Variants in HS6ST3 observed in about 807,000 individuals in gnomAD.
HS6ST3 encodes the protein heparan sulfate 6-O-sulfotransferase 3.
HS6ST3 carries 12 observed loss-of-function variants against 36.7 expected under a neutral mutation model. That is an observed-to-expected ratio of 0.33 (90% CI 0.21 to 0.53). The LOEUF (loss-of-function observed/expected upper bound fraction) is 0.53. HS6ST3 is among the 20% of genes least tolerant of loss of function. The pLI is 0.95. For synonymous variants in HS6ST3, 240 were observed against 257.5 expected, an observed-to-expected ratio of 0.93 and a Z score of 0.65; for missense variants, 584 against 640.9, an observed-to-expected ratio of 0.91 and a Z score of 0.96.
chr13:96,090,754 C>A lies in HS6ST3; in HGVS notation c.-109C>A. ...CCTCGGCGTCAGGGGCATGGAGGAA[C>A]GGCGGGCTCCGAGCCGCGCCCCGGA... On this transcript the variant is annotated 5_prime_UTR_variant, in exon 1 of 2. Coordinates refer to ENST00000376705, the MANE Select transcript of HS6ST3 (RefSeq NM_153456.4). 1.2e-6 allele frequency: 1 copy of A among 861,592 alleles called. No homozygotes were observed. Among genetic ancestry groups the A allele is most frequent in the Non-Finnish European group, 1.5e-6 (1 of 650,598 alleles). The allele number at this position is 861,592 out of a possible 1,614,324, so 53.4% of individuals were successfully genotyped here. A position where few individuals can be genotyped will look rare whatever the true frequency, so the allele number is the denominator to read the frequency against.
chr13:96,271,405 A>G (rs9554335), intron 1 of HS6ST3, among the ~76,000 whole-genome samples: 83,790 of 151,712 alleles, frequency 0.55, 24,060 homozygotes, highest in African/African-American at 0.69. Flanking sequence ...TCCTGCTTTC[A>G]CTAGCAGCTC....
At chr13:96,778,675 C>A (rs187380336) in intron 1 of HS6ST3, among the ~76,000 whole-genome samples, 77 of 152,126 alleles carry the variant, frequency 5.1e-4, no homozygotes, top group African/African-American at 1.8e-3. Flanking sequence ...AAACAACAGA[C>A]GGCGGAGAGG....
At chr13:96,497,983 A>G (rs905807645) in intron 1 of HS6ST3, among the ~76,000 whole-genome samples, 1 of 152,202 alleles carries the variant, frequency 6.6e-6, no homozygotes, top group African/African-American at 2.4e-5. Flanking sequence ...TTGCCCCACC[A>G]TGCAATGGAA....
At chr13:96,470,172 T>C (rs1158561530) in intron 1 of HS6ST3, among the ~76,000 whole-genome samples, 1 of 152,188 alleles carries the variant, frequency 6.6e-6, no homozygotes, top group Non-Finnish European at 1.5e-5. Context: ...CTTGGTGTCA[T>C]TGCTGGTTGG....
At chr13:96,577,749 G>A (rs574185185) in intron 1 of HS6ST3, among the ~76,000 whole-genome samples, 16 of 152,240 alleles carry the variant, frequency 1.1e-4, no homozygotes, top group African/African-American at 3.4e-4. Flanking sequence ...AAAGCTCATC[G>A]TCACTGGTCA....
chr13:96,247,017 G>C (rs1438357681), intron 1 of HS6ST3, among the ~76,000 whole-genome samples: 2 of 152,176 alleles, frequency 1.3e-5, no homozygotes, highest in Non-Finnish European at 2.9e-5. Context: ...AGGATGTGTA[G>C]AGATTTAGAT....
chr13:96,372,141 C>T (rs768537446), intron 1 of HS6ST3, among the ~76,000 whole-genome samples: 2 of 152,130 alleles, frequency 1.3e-5, no homozygotes, highest in African/African-American at 2.4e-5. Context: ...TTCTTGTCAG[C>T]GCTTGTTATC....
intron 1 of HS6ST3, among the ~76,000 whole-genome samples, chr13:96,105,527 T>C (rs2053837650): frequency 6.6e-6 from 1 of 152,002 alleles, no homozygotes; most frequent in African/African-American, 2.4e-5. Flanking sequence ...GGTGGGTGCC[T>C]GTAGTCCCAG....
intron 1 of HS6ST3, among the ~76,000 whole-genome samples, chr13:96,317,639 T>G (rs1189835715): frequency 6.6e-6 from 1 of 151,512 alleles, no homozygotes; most frequent in Non-Finnish European, 1.5e-5. Flanking sequence ...ATCTCCAAAC[T>G]GCTTTCTACG....
chr13:96,147,787 A>G (rs1487255774), intron 1 of HS6ST3, among the ~76,000 whole-genome samples: 1 of 152,084 alleles, frequency 6.6e-6, no homozygotes, highest in Non-Finnish European at 1.5e-5. Context: ...AAATGAATGA[A>G]TGAATGAATG....
intron 1 of HS6ST3, among the ~76,000 whole-genome samples, chr13:96,269,692 A>G (rs1474407194): frequency 6.6e-6 from 1 of 152,016 alleles, no homozygotes; most frequent in Non-Finnish European, 1.5e-5. Flanking sequence ...TTCATGCTAA[A>G]GTCAGCTTTT....
intron 1 of HS6ST3, among the ~76,000 whole-genome samples, chr13:96,321,473 A>G (rs771871644): frequency 4.6e-5 from 7 of 151,992 alleles, no homozygotes; most frequent in Non-Finnish European, 8.8e-5. Context: ...GAACTCCTCC[A>G]CATCTTAATT....
At chr13:96,097,094 T>C (rs1370253350) in intron 1 of HS6ST3, among the ~76,000 whole-genome samples, 1 of 152,300 alleles carries the variant, frequency 6.6e-6, no homozygotes, top group East Asian at 1.9e-4. Flanking sequence ...TTAAACCCTG[T>C]CAGTTTTTTG....
At chr13:96,397,691 TAGAG>T (rs1487594418) in intron 1 of HS6ST3, among the ~76,000 whole-genome samples, 1 of 152,154 alleles carries the variant, frequency 6.6e-6, no homozygotes, top group Non-Finnish European at 1.5e-5. Flanking sequence ...AAACAAAACA[TAGAG>T]AGACATTAAG....
intron 1 of HS6ST3, among the ~76,000 whole-genome samples, chr13:96,219,519 T>C (rs1384532528): frequency 6.6e-6 from 1 of 152,186 alleles, no homozygotes; most frequent in Non-Finnish European, 1.5e-5. Context: ...TAATAACACA[T>C]TGCTGTAGGT....
At chr13:96,529,032 G>A (rs1050999272) in intron 1 of HS6ST3, among the ~76,000 whole-genome samples, 1 of 151,928 alleles carries the variant, frequency 6.6e-6, no homozygotes, top group African/African-American at 2.4e-5. Context: ...AAACAAATTA[G>A]TAAACTAATA....
chr13:96,554,417 T>G (rs1274752375), intron 1 of HS6ST3, among the ~76,000 whole-genome samples: 1 of 152,208 alleles, frequency 6.6e-6, no homozygotes, highest in Non-Finnish European at 1.5e-5. Flanking sequence ...TGCATACATC[T>G]GTTAATATCC....
Position 96,091,055 on chromosome 13 carries a change from T to A in HS6ST3, c.193T>A (p.Trp65Arg). ...ARRAQAPPEE[W>R]ERRPQLPPPP... ...CCGGGCTCAGGCGCCGCCGGAGGAG[T>A]GGGAGCGGCGGCCCCAGTTGCCCCC... The change falls in exon 1 of 2, where the codon TGG (tryptophan) becomes AGG (arginine). Residue 65 changes from tryptophan to arginine, a missense_variant. Physicochemically the swap from Trp to Arg is moderately radical, Grantham distance 101. Around this residue, in one of 3 missense-constraint regions of HS6ST3, gnomAD observed 217 missense variants for 205.4 expected, o/e 1.06. Coordinates refer to ENST00000376705, the MANE Select transcript of HS6ST3 (RefSeq NM_153456.4). The A allele has an allele frequency of 8.0e-7, 1 of 1,257,198 alleles. No homozygotes were observed. 77.9% of individuals were successfully genotyped at this position (1,257,198 alleles called of 1,614,324 possible).
chr13:96,233,295 A>G (rs2054517258), intron 1 of HS6ST3, among the ~76,000 whole-genome samples: 1 of 152,190 alleles, frequency 6.6e-6, no homozygotes, highest in Non-Finnish European at 1.5e-5. Context: ...TATATAAGGT[A>G]TTATATGCAA....
Sources: allele counts gnomAD v4.1 joint callset (sites outside exome capture counted in the v4.1 genomes callset), GRCh38; gene constraint gnomAD v4.1.1; regional missense constraint gnomAD v4.1.1; transcripts MANE v1.5; gene names NCBI Gene and HGNC (gene_info 2026-07-23, HGNC 2026-07-21).